The following RYR3 variants were observed in gnomAD, a reference collection of about 807,000 sequenced individuals.
The protein encoded by RYR3 is brain ryanodine receptor-calcium release channel.
A neutral mutation model predicts 584.3 loss-of-function variants in RYR3; 207 were observed. That is an observed-to-expected ratio of 0.35 (90% CI 0.32 to 0.40). RYR3 has a LOEUF of 0.40. RYR3 is among the 10% of genes least tolerant of loss of function. RYR3 has a pLI of 1.00. For missense variants in RYR3, 5,616 were observed against 6,089.2 expected (o/e 0.92, Z 2.59); for synonymous variants, 2,416 against 2,248.5 (o/e 1.07, Z -2.11).
intron 16 of RYR3, among the ~76,000 whole-genome samples, chr15:33,594,806 A>T (rs989073527): frequency 6.6e-6 from 1 of 152,216 alleles, no homozygotes; most frequent in Admixed American, 6.5e-5. Flanking sequence ...GAAACAATTG[A>T]CAAGGAAATT....
At chr15:33,464,503 TAC>T (rs1555487154) in intron 1 of RYR3, among the ~76,000 whole-genome samples, 3 of 105,902 alleles carry the variant, frequency 2.8e-5, no homozygotes, top group Non-Finnish European at 4.1e-5. Context: ...CATATATATA[TAC>T]ATACACATAC....
In RYR3 at chr15:33,757,588, G is replaced by A. The variant is rs771156068; in HGVS notation, c.8697G>A (p.Met2899Ile). ...SGYASHKEKE[M>I]VAGLFCKLAA... ...ATGCCTCCCATAAGGAGAAAGAAAT[G>A]GTGGCCGGGTGAGTCTACAAGATAA... Residue 2899 changes from methionine (M) to isoleucine (I), a missense_variant, in exon 60 of 104, where the codon ATG becomes ATA. Around this residue, in one of 9 missense-constraint regions of RYR3, gnomAD observed 1,280 missense variants for 1,426.2 expected, o/e 0.90. Coordinates refer to ENST00000634891, the MANE Select transcript of RYR3 (RefSeq NM_001036.6). 5.0e-6 allele frequency: 8 copies of A among 1,610,182 alleles called. No individual in the cohort carries two copies. Among genetic ancestry groups the A allele is most frequent in the South Asian group, 1.1e-5 (1 of 89,708 alleles).
At chr15:33,489,353 C>T (rs372509528) in intron 2 of RYR3, among the ~76,000 whole-genome samples, 1 of 152,172 alleles carries the variant, frequency 6.6e-6, no homozygotes, top group South Asian at 2.1e-4. Context: ...GCTCCTCTCC[C>T]TCCTCCCACC....
chr15:33,692,225 G>T (rs1024212027), intron 38 of RYR3, among the ~76,000 whole-genome samples: 1 of 152,104 alleles, frequency 6.6e-6, no homozygotes, highest in Admixed American at 6.6e-5. Context: ...GCTGATGCAC[G>T]GGAGCTAATT....
Position 33,628,522 on chromosome 15 carries a change from A to T in RYR3, c.2626A>T (p.Ile876Phe), listed in dbSNP as rs1291924402. 2 of 1,613,898 alleles carry T rather than the reference A, an allele frequency of 1.2e-6. No homozygotes were observed. Among genetic ancestry groups the T allele is most frequent in the East Asian group, 4.5e-5 (2 of 44,884 alleles). ...GATCCGAGACAGACTAGCTGAAAACATCCATGAGCTTTGGGGAATGAATAA... is the reference window on the plus strand; with the variant it reads ...GATCCGAGACAGACTAGCTGAAAACTTCCATGAGCTTTGGGGAATGAATAA... ...EKIRDRLAENIHELWGMNKIE... is the reference protein window; with the variant it reads ...EKIRDRLAENFHELWGMNKIE... Residue 876 changes from isoleucine to phenylalanine, a missense_variant, in exon 21 of 104, where the codon ATC becomes TTC. Coordinates refer to ENST00000634891, the MANE Select transcript of RYR3 (RefSeq NM_001036.6).
intron 84 of RYR3, 42 bp from the exon 85 acceptor site, chr15:33,827,157 G>C: frequency 6.7e-7 from 1 of 1,501,436 alleles, no homozygotes; most frequent in South Asian, 1.2e-5. Context: ...GGCCCCCTCG[G>C]CATGGCAGGG....
At position 33,476,843 on chromosome 15, in the gene RYR3, C is replaced by T. The variant is rs553808417; in HGVS notation, c.171+3305C>T. On this transcript the variant is annotated intron_variant, in intron 2 of 103. Transcript: ENST00000634891. ...TCACAGAGAAACAGGGTCAAATTCA[C>T]GGTAAGGATAGAGCAGATATTCAGA... Among the ~76,000 whole-genome samples the T allele has an allele frequency of 7.9e-4, 121 of 152,254 alleles. 1 individual carries two copies. The highest frequency in any genetic ancestry group is 2.5e-3 in the African/African-American group (104 of 41,550).
chr15:33,560,706 G>A (rs1255569614), intron 10 of RYR3, among the ~76,000 whole-genome samples: 1 of 152,026 alleles, frequency 6.6e-6, no homozygotes, highest in Non-Finnish European at 1.5e-5. Flanking sequence ...CTAGAGCTAT[G>A]AATATTTCTG....
chr15:33,758,646 C>G (rs1385101151), intron 60 of RYR3, among the ~76,000 whole-genome samples: 1 of 152,222 alleles, frequency 6.6e-6, no homozygotes, highest in Non-Finnish European at 1.5e-5. Flanking sequence ...CAGCCCCAAT[C>G]CGGATTGTAG....
chr15:33,606,966 G>A (rs1444961421), intron 18 of RYR3, among the ~76,000 whole-genome samples: 1 of 152,118 alleles, frequency 6.6e-6, no homozygotes, highest in African/African-American at 2.4e-5. Context: ...ATTTACCTCT[G>A]CAGTCAGATC....
intron 7 of RYR3, among the ~76,000 whole-genome samples, chr15:33,542,842 T>C (rs779674580): frequency 2.1e-4 from 32 of 152,186 alleles, no homozygotes; most frequent in Non-Finnish European, 4.6e-4. Context: ...ATCCCATTTC[T>C]TGGAGCAAGG....
chr15:33,648,320 T>C (rs1253842795), intron 30 of RYR3, among the ~76,000 whole-genome samples: 1 of 152,238 alleles, frequency 6.6e-6, no homozygotes, highest in Non-Finnish European at 1.5e-5. Flanking sequence ...GACCCTTTTT[T>C]CTTCCAGTCA....
At chr15:33,574,902 A>C (rs544196602) in intron 12 of RYR3, among the ~76,000 whole-genome samples, 2 of 152,274 alleles carry the variant, frequency 1.3e-5, no homozygotes, top group Non-Finnish European at 2.9e-5. Flanking sequence ...ATGCAAAGAC[A>C]TGCATAAGCT....
At position 33,663,700 on chromosome 15, in the gene RYR3, G is replaced by A. The variant is rs564412519; in HGVS notation, c.5582G>A (p.Arg1861Gln). 123 of 1,610,172 alleles carry A rather than the reference G, an allele frequency of 7.6e-5. No individual in the cohort carries two copies. The highest frequency in any genetic ancestry group is 1.7e-4 in the African/African-American group (13 of 74,938). ...AACATGTCTGCGGCCCTGACTGCCC[G>A]GAAGACCAAGGAGTTCCGCTCACCC... ...ALNMSAALTA[R>Q]KTKEFRSPPQ... Residue 1861 changes from arginine (R) to glutamine (Q), a missense_variant, in exon 36 of 104, where the codon CGG becomes CAG. Coordinates refer to ENST00000634891, the MANE Select transcript of RYR3 (RefSeq NM_001036.6).
intron 72 of RYR3, among the ~76,000 whole-genome samples, chr15:33,811,442 C>T (rs887063348): frequency 1.3e-5 from 2 of 150,328 alleles, no homozygotes; most frequent in South Asian, 2.1e-4. Flanking sequence ...ACCTGGGAGA[C>T]GGAGGTTGTG....
At chr15:33,488,367 G>A (rs920756714) in intron 2 of RYR3, among the ~76,000 whole-genome samples, 6 of 151,378 alleles carry the variant, frequency 4.0e-5, no homozygotes, top group Non-Finnish European at 7.4e-5. Flanking sequence ...AGACCTAATA[G>A]CTGCTATTTT....
At chr15:33,555,289 G>A (rs1461251095) in intron 10 of RYR3, among the ~76,000 whole-genome samples, 1 of 152,080 alleles carries the variant, frequency 6.6e-6, no homozygotes, top group Non-Finnish European at 1.5e-5. Context: ...CGCTGTTTTT[G>A]CCAGTCCCCT....
At chr15:33,387,291 T>C (rs1269460654) in intron 1 of RYR3, among the ~76,000 whole-genome samples, 1 of 152,210 alleles carries the variant, frequency 6.6e-6, no homozygotes, top group Non-Finnish European at 1.5e-5. Flanking sequence ...GCTGTGAACA[T>C]AGGTGTACAA....
chr15:33,540,614 A>T lies in RYR3; in HGVS notation c.547-177A>T, dbSNP rs574719250. Among the ~76,000 whole-genome samples the T allele has an allele frequency of 3.3e-5, 5 of 152,272 alleles. No individual in the cohort carries two copies. The South Asian group carries it at 1.0e-3, about 32-fold the overall frequency. ...CTGAATAATTCCTCACCCCAGAATA[A>T]AGTGTCCCACTTTGAAGCTGCTTCT... is the stretch of plus-strand genomic sequence containing the variant. On this transcript the variant is annotated intron_variant, in intron 6 of 103. Coordinates refer to ENST00000634891, the MANE Select transcript of RYR3 (RefSeq NM_001036.6).
Sources: allele counts gnomAD v4.1 joint callset (sites outside exome capture counted in the v4.1 genomes callset), GRCh38; gene constraint gnomAD v4.1.1; regional missense constraint gnomAD v4.1.1; transcripts MANE v1.5; gene names NCBI Gene and HGNC (gene_info 2026-07-23, HGNC 2026-07-21).